The following PTH2R variants were observed in gnomAD, a reference collection of about 807,000 sequenced individuals.
The protein encoded by PTH2R is parathyroid hormone 2 receptor, also known as PTH2 receptor.
PTH2R carries 59 observed loss-of-function variants against 60.3 expected under a neutral mutation model. The observed-to-expected ratio is 0.98, with a 90% CI of 0.79 to 1.22. The LOEUF is 1.22. PTH2R is among the 50% of genes most tolerant of loss of function. The pLI is 0.00. For missense variants in PTH2R, 749 were observed against 682.6 expected, an observed-to-expected ratio of 1.10 and a Z score of -1.08; for synonymous variants, 256 against 243.8, an observed-to-expected ratio of 1.05 and a Z score of -0.47.
chr2:208,436,583 G>A (rs551529365), intron 2 of PTH2R, among the ~76,000 whole-genome samples: 2 of 152,194 alleles, frequency 1.3e-5, no homozygotes, highest in East Asian at 1.9e-4. Context: ...CCCACGGTTC[G>A]GGAAAGCTGC....
At chr2:208,429,694 A>T (rs78084644) in intron 2 of PTH2R, among the ~76,000 whole-genome samples, 6,319 of 152,242 alleles carry the variant, frequency 0.042, 409 homozygotes, top group African/African-American at 0.14. Flanking sequence ...TGTTAAGTAT[A>T]TTCGCATTGT....
At position 208,368,393 on chromosome 2, in the gene PTH2R, C is replaced by T. The variant is rs556661073; in HGVS notation, c.-259+8156C>T. Among the ~76,000 whole-genome samples, 53 of 152,288 alleles carry T rather than the reference C, an allele frequency of 3.5e-4. 4 individuals carry two copies. The highest frequency in any genetic ancestry group is 3.4e-3 in the Middle Eastern group (1 of 294). ...TATATGCAATAGACTTAGCTGCCAT[C>T]CTAATTGACAAAGCAAGTATTCTTA... is the stretch of plus-strand genomic sequence containing the variant. On this transcript the variant is annotated intron_variant, in intron 1 of 12. Transcript: ENST00000617735.
At chr2:208,481,033 T>C (rs759827092) in intron 9 of PTH2R, 37 bp from the exon 10 acceptor site, 1 of 1,389,782 alleles carries the variant, frequency 7.2e-7, no homozygotes, top group Non-Finnish European at 1.0e-6. Flanking sequence ...TCTTGAAGAC[T>C]AACAATAATT....
chr2:208,406,818 A>G lies in PTH2R; in HGVS notation c.-226A>G, dbSNP rs1701420592. On this transcript the variant is annotated 5_prime_UTR_variant, in exon 1 of 13. Transcript: ENST00000272847. ...GGACTCGGGCCAGTCTCTCCGGAAGACAAGACCAACCTCGCGCCGCGGCGC... is the reference window on the plus strand; with the variant it reads ...GGACTCGGGCCAGTCTCTCCGGAAGGCAAGACCAACCTCGCGCCGCGGCGC... The G allele has an allele frequency of 2.6e-6, 1 of 379,636 alleles. No individual in the cohort carries two copies. Among genetic ancestry groups the G allele is most frequent in the Non-Finnish European group, 4.7e-6 (1 of 214,088 alleles). The allele number at this position is 379,636 out of a possible 1,614,324, so 23.5% of individuals were successfully genotyped here. A position where few individuals can be genotyped will look rare whatever the true frequency, so the allele number is the denominator to read the frequency against.
chr2:208,409,800 A>C (rs1301666749), intron 1 of PTH2R, among the ~76,000 whole-genome samples: 1 of 152,218 alleles, frequency 6.6e-6, no homozygotes, highest in African/African-American at 2.4e-5. Flanking sequence ...CATTTTCTAT[A>C]GTCAGATTAT....
intron 9 of PTH2R, among the ~76,000 whole-genome samples, chr2:208,477,002 G>A (rs1703019670): frequency 6.6e-6 from 1 of 152,172 alleles, no homozygotes; most frequent in South Asian, 2.1e-4. Context: ...TCTTTTGCGA[G>A]TTATGCCTAG....
chr2:208,441,483 G>T (rs1217408400), intron 4 of PTH2R, among the ~76,000 whole-genome samples: 1 of 152,184 alleles, frequency 6.6e-6, no homozygotes, highest in Non-Finnish European at 1.5e-5. Context: ...GAAAACGCTT[G>T]TTGAGTTTCC....
At chr2:208,427,702 A>C (rs1701885409) in intron 1 of PTH2R, among the ~76,000 whole-genome samples, 1 of 152,110 alleles carries the variant, frequency 6.6e-6, no homozygotes, top group South Asian at 2.1e-4. Context: ...GTTTTGTTAC[A>C]CAGCTATAGG....
intron 1 of PTH2R, among the ~76,000 whole-genome samples, chr2:208,372,946 C>T (rs986307406): frequency 2.6e-5 from 4 of 151,948 alleles, no homozygotes; most frequent in African/African-American, 2.4e-5. Context: ...ATTAGCCAGG[C>T]GTGATGGCAC....
At chr2:208,438,085 T>A (rs1486271240) in intron 4 of PTH2R, among the ~76,000 whole-genome samples, 1 of 152,246 alleles carries the variant, frequency 6.6e-6, no homozygotes, top group Non-Finnish European at 1.5e-5. Flanking sequence ...CTGGCTGAGA[T>A]ACATACATCC....
At chr2:208,382,372 A>G (rs1700931200) in intron 1 of PTH2R, among the ~76,000 whole-genome samples, 1 of 152,118 alleles carries the variant, frequency 6.6e-6, no homozygotes, top group African/African-American at 2.4e-5. Context: ...TATACTTAAA[A>G]TGAAGAGAAA....
chr2:208,471,658 C>T (rs955142449), intron 9 of PTH2R, among the ~76,000 whole-genome samples: 2 of 152,232 alleles, frequency 1.3e-5, no homozygotes, highest in African/African-American at 2.4e-5. Flanking sequence ...GAACCTCTGC[C>T]AGGGCAGTGC....
intron 1 of PTH2R, among the ~76,000 whole-genome samples, chr2:208,382,770 C>T (rs139187309): frequency 2.9e-3 from 444 of 152,284 alleles, no homozygotes; most frequent in Non-Finnish European, 4.2e-3. Context: ...CGGACTCCTG[C>T]GTGTCTGTCT....
upstream of PTH2R, among the ~76,000 whole-genome samples, chr2:208,406,066 T>C (rs1701399041): frequency 6.6e-6 from 1 of 152,118 alleles, no homozygotes; most frequent in Non-Finnish European, 1.5e-5. Context: ...CATCTTACAA[T>C]TGAGGAGATT....
At chr2:208,445,735 TA>T (rs1702276192) in intron 7 of PTH2R, among the ~76,000 whole-genome samples, 1 of 152,158 alleles carries the variant, frequency 6.6e-6, no homozygotes, top group Admixed American at 6.5e-5. Context: ...TATTTTGCCT[TA>T]ACTTTTTTTC....
chr2:208,395,597 CAT>C (rs1701194401), intron 1 of PTH2R, among the ~76,000 whole-genome samples: 1 of 152,156 alleles, frequency 6.6e-6, no homozygotes, highest in Non-Finnish European at 1.5e-5. Context: ...AATCCCTGCA[CAT>C]TTCACACAGA....
upstream of PTH2R, among the ~76,000 whole-genome samples, chr2:208,404,699 T>A (rs917722543): frequency 2.0e-5 from 3 of 152,086 alleles, no homozygotes; most frequent in African/African-American, 7.2e-5. Context: ...GCACATCAGT[T>A]TGGAGTCAAG....
intron 1 of PTH2R, among the ~76,000 whole-genome samples, chr2:208,367,424 CTT>C (rs141555131): frequency 3.9e-5 from 5 of 128,992 alleles, no homozygotes; most frequent in Non-Finnish European, 3.2e-5. Context: ...TTTTCTCTTT[CTT>C]TTTTTTTTTT....
chr2:208,450,914 T>C, intron 8 of PTH2R, 105 bp downstream of exon 8: 1 of 1,268,082 alleles, frequency 7.9e-7, no homozygotes, highest in Non-Finnish European at 1.1e-6. Context: ...CATTGCTTTT[T>C]AGGGATGCCA....
Sources: gnomAD v4.1 joint callset for allele counts (sites outside exome capture counted in the v4.1 genomes callset) on GRCh38, gnomAD v4.1.1 for gene constraint, MANE v1.5 for transcripts, NCBI Gene and HGNC (gene_info 2026-07-23, HGNC 2026-07-21) for gene names.